The following ORC5 variants were observed in gnomAD, a reference collection of about 807,000 sequenced individuals.
ORC5 encodes the protein protein phosphatase 1, regulatory subunit 117.
ORC5 carries 39 observed loss-of-function variants against 58.8 expected under a neutral mutation model. That is an observed-to-expected ratio of 0.66 (90% confidence interval 0.51 to 0.87). ORC5 has a LOEUF of 0.87. Ranked by LOEUF, ORC5 falls within the 40% of genes least tolerant of loss-of-function variation. The pLI, the probability that ORC5 is intolerant of heterozygous loss-of-function variation, is 0.00. For synonymous variants in ORC5, 218 were observed against 177.6 expected (o/e 1.23, Z -1.81); for missense variants, 493 against 506.3 (o/e 0.97, Z 0.25).
At chr7:104,193,882 C>G (rs968074827) in intron 5 of ORC5, among the ~76,000 whole-genome samples, 1 of 151,608 alleles carries the variant, frequency 6.6e-6, no homozygotes. Flanking sequence ...TTCATCTATG[C>G]TGCTTTGTAT....
intron 1 of ORC5, among the ~76,000 whole-genome samples, chr7:104,205,923 G>A (rs1800070461): frequency 2.0e-5 from 3 of 152,158 alleles, no homozygotes; most frequent in African/African-American, 7.2e-5. Flanking sequence ...TGGGCGGACT[G>A]CTTGAGCCTG....
At chr7:104,143,887 G>T (rs1236205929) in intron 12 of ORC5, among the ~76,000 whole-genome samples, 1 of 152,174 alleles carries the variant, frequency 6.6e-6, no homozygotes, top group Non-Finnish European at 1.5e-5. Context: ...GGGAGGCAGA[G>T]ACAGGTAGAT....
chr7:104,180,431 A>G (rs753513066), intron 8 of ORC5, among the ~76,000 whole-genome samples: 2 of 152,144 alleles, frequency 1.3e-5, no homozygotes, highest in African/African-American at 2.4e-5. Context: ...GTAACTTTCT[A>G]TATTGCTTTT....
At chr7:104,187,294 C>T (rs529828260) in intron 6 of ORC5, among the ~76,000 whole-genome samples, 2 of 152,230 alleles carry the variant, frequency 1.3e-5, no homozygotes, top group East Asian at 3.9e-4. Flanking sequence ...TGTTTTTTCC[C>T]AGCTGAGAAG....
intron 12 of ORC5, among the ~76,000 whole-genome samples, chr7:104,152,383 A>G (rs1012908628): frequency 1.3e-5 from 2 of 152,116 alleles, no homozygotes; most frequent in African/African-American, 4.8e-5. Flanking sequence ...GGTGCAAATG[A>G]TCCTCCTACC....
At chr7:104,148,181 AC>A (rs956629657) in intron 12 of ORC5, among the ~76,000 whole-genome samples, 3 of 152,188 alleles carry the variant, frequency 2.0e-5, no homozygotes, top group African/African-American at 7.2e-5. Context: ...TCTTTTCCAG[AC>A]GATGACACCA....
At chr7:104,170,681 C>T (rs1001802509) in intron 8 of ORC5, among the ~76,000 whole-genome samples, 1 of 152,148 alleles carries the variant, frequency 6.6e-6, no homozygotes, top group African/African-American at 2.4e-5. Context: ...TGTTACAGTA[C>T]AATATACTAG....
intron 6 of ORC5, among the ~76,000 whole-genome samples, chr7:104,186,227 CCAAACACAGATCA>C (rs1224519700): frequency 4.6e-5 from 7 of 151,278 alleles, no homozygotes; most frequent in Middle Eastern, 6.8e-3. Flanking sequence ...TTTTTTCCAA[CCAAACACAGATCA>C]CAAACACAGA....
At chr7:104,182,357 C>T (rs1799452033) in intron 8 of ORC5, among the ~76,000 whole-genome samples, 1 of 152,162 alleles carries the variant, frequency 6.6e-6, no homozygotes, top group African/African-American at 2.4e-5. Context: ...GAGACTCTTA[C>T]TCCTCTTAAT....
At chr7:104,176,092 A>G (rs1014806377) in intron 8 of ORC5, among the ~76,000 whole-genome samples, 3 of 152,356 alleles carry the variant, frequency 2.0e-5, no homozygotes, top group East Asian at 3.9e-4. Flanking sequence ...TCCCAATTTT[A>G]TCAGAAATAT....
Position 104,168,500 on chromosome 7 carries a change from C to A in ORC5, c.850G>T (p.Asp284Tyr). 6.3e-7 allele frequency: 1 copy of A among 1,579,152 alleles called. No individual in the cohort carries two copies. Among genetic ancestry groups the A allele is most frequent in the Non-Finnish European group, 8.6e-7 (1 of 1,166,790 alleles). The change falls in exon 9 of 14, where the codon GAT becomes TAT. Residue 284 changes from aspartate to tyrosine, a missense_variant. Coordinates refer to ENST00000297431, the MANE Select transcript of ORC5 (RefSeq NM_002553.4). ...SSSQWEKLQK[D>Y]DTDPGQLKGL... ...TTCAGTTGCCCCGGATCTGTGTCAT[C>A]TTTCTGTAGCTTTTCCCACTGGGAA...
chr7:104,184,497 TAACAA>T (rs1276644121), intron 6 of ORC5: 2 of 232,332 alleles, frequency 8.6e-6, no homozygotes, highest in Non-Finnish European at 1.7e-5. Flanking sequence ...ATTACTATAA[TAACAA>T]AACAGCAAAA....
At chr7:104,199,965 C>T (rs1315983151) in intron 3 of ORC5, among the ~76,000 whole-genome samples, 2 of 152,154 alleles carry the variant, frequency 1.3e-5, no homozygotes, top group African/African-American at 2.4e-5. Flanking sequence ...TGATAGTGAG[C>T]TCACATCTGA....
chr7:104,204,352 TGAGC>T, intron 1 of ORC5, 118 bp from the exon 2 acceptor site: 3 of 663,276 alleles, frequency 4.5e-6, no homozygotes, highest in Non-Finnish European at 8.1e-6. Context: ...TTCCTAACAA[TGAGC>T]ATATTGTGGA....
chr7:104,148,090 ACT>A (rs1223368690), intron 12 of ORC5, among the ~76,000 whole-genome samples: 1 of 152,162 alleles, frequency 6.6e-6, no homozygotes, highest in Non-Finnish European at 1.5e-5. Flanking sequence ...GGAATTTATT[ACT>A]GTGTCCAGGC....
At chr7:104,154,109 A>G (rs186660304) in intron 12 of ORC5, among the ~76,000 whole-genome samples, 2 of 152,228 alleles carry the variant, frequency 1.3e-5, no homozygotes, top group Admixed American at 1.3e-4. Flanking sequence ...AAATATAGCC[A>G]TGTAACTTTT....
chr7:104,140,097 C>T (rs1019744524), intron 12 of ORC5, among the ~76,000 whole-genome samples: 1 of 152,000 alleles, frequency 6.6e-6, no homozygotes, highest in East Asian at 1.9e-4. Flanking sequence ...ATTAGCATTC[C>T]TTTATGTGCT....
intron 13 of ORC5, among the ~76,000 whole-genome samples, chr7:104,134,066 C>CA (rs2115740303): frequency 6.6e-6 from 1 of 152,252 alleles, no homozygotes; most frequent in South Asian, 2.1e-4. Flanking sequence ...TTCTGTGAAA[C>CA]AGAGTGAAGA....
chr7:104,169,419 T>C (rs1311572812), intron 8 of ORC5, among the ~76,000 whole-genome samples: 1 of 152,086 alleles, frequency 6.6e-6, no homozygotes, highest in African/African-American at 2.4e-5. Context: ...ACACGACAAA[T>C]TGAATTTATA....
Sources: gnomAD v4.1 joint callset for allele counts (sites outside exome capture counted in the v4.1 genomes callset) on GRCh38, gnomAD v4.1.1 for gene constraint, MANE v1.5 for transcripts, NCBI Gene and HGNC (gene_info 2026-07-23, HGNC 2026-07-21) for gene names.